OR9Q1: variants seen among roughly 807,000 people sequenced by gnomAD.
OR9Q1 encodes the protein olfactory receptor family 9 subfamily Q member 1.
For missense variants in OR9Q1, 374 were observed against 378.8 expected, an observed-to-expected ratio of 0.99 and a Z score of 0.11; for synonymous variants, 153 against 148.6, an observed-to-expected ratio of 1.03 and a Z score of -0.22.
At chr11:58,046,911 C>T (rs1853222488) in intron 1 of OR9Q1, among the ~76,000 whole-genome samples, 2 of 151,934 alleles carry the variant, frequency 1.3e-5, no homozygotes, top group South Asian at 4.2e-4. Context: ...ACCTTAGATA[C>T]TTAGGGGTCT....
intron 2 of OR9Q1, among the ~76,000 whole-genome samples, chr11:58,089,834 A>G (rs1193633618): frequency 6.6e-6 from 1 of 151,886 alleles, no homozygotes; most frequent in African/African-American, 2.4e-5. Flanking sequence ...TTCCTTGAGC[A>G]GTGGTTTGTA....
intron 2 of OR9Q1, among the ~76,000 whole-genome samples, chr11:58,174,330 G>T (rs534377319): frequency 4.6e-5 from 7 of 152,080 alleles, no homozygotes; most frequent in Non-Finnish European, 1.0e-4. Flanking sequence ...TGTGAATCAA[G>T]CTGCAGCTTG....
At chr11:58,081,811 T>TA in intron 2 of OR9Q1, among the ~76,000 whole-genome samples, 1 of 135,254 alleles carries the variant, frequency 7.4e-6, no homozygotes, top group East Asian at 2.5e-4. Context: ...TTTTTTTTTT[T>TA]ACTTTTGTTG....
intron 2 of OR9Q1, among the ~76,000 whole-genome samples, chr11:58,156,922 G>T (rs1854413574): frequency 1.3e-5 from 2 of 152,122 alleles, no homozygotes; most frequent in African/African-American, 2.4e-5. Flanking sequence ...AAAGGGTGTG[G>T]ATGATGGAGA....
chr11:58,164,142 G>C (rs998376194), intron 2 of OR9Q1, among the ~76,000 whole-genome samples: 1 of 152,096 alleles, frequency 6.6e-6, no homozygotes, highest in Non-Finnish European at 1.5e-5. Flanking sequence ...ACCTTGTCTC[G>C]GCTTGCAGGG....
chr11:58,161,031 A>G (rs1027759901), intron 2 of OR9Q1, among the ~76,000 whole-genome samples: 3 of 149,972 alleles, frequency 2.0e-5, no homozygotes, highest in Non-Finnish European at 3.0e-5. Flanking sequence ...CCTGGCCAGA[A>G]CTTCCAACTC....
intron 2 of OR9Q1, among the ~76,000 whole-genome samples, chr11:58,061,956 C>G (rs1394143937): frequency 6.6e-6 from 1 of 152,144 alleles, no homozygotes; most frequent in Non-Finnish European, 1.5e-5. Context: ...TTGCCAATCT[C>G]AAAGATCTCC....
intron 2 of OR9Q1, among the ~76,000 whole-genome samples, chr11:58,079,238 T>C (rs4939179): frequency 0.13 from 19,676 of 151,778 alleles, 1,519 homozygotes; most frequent in South Asian, 0.2. Flanking sequence ...GTACTCTGAG[T>C]TCTGAGTCTT....
intron 2 of OR9Q1, among the ~76,000 whole-genome samples, chr11:58,087,467 A>G (rs928536498): frequency 6.6e-6 from 1 of 151,972 alleles, no homozygotes. Context: ...ATATTTTAAA[A>G]TGGAAGCACT....
At chr11:58,096,768 A>G (rs1233591728) in intron 2 of OR9Q1, among the ~76,000 whole-genome samples, 1 of 149,928 alleles carries the variant, frequency 6.7e-6, no homozygotes. Flanking sequence ...CAGTGGCGCA[A>G]TCTCGGCTCA....
chr11:58,055,005 T>C (rs771499204), intron 1 of OR9Q1, among the ~76,000 whole-genome samples: 1 of 152,138 alleles, frequency 6.6e-6, no homozygotes, highest in African/African-American at 2.4e-5. Flanking sequence ...GCTATGAAAA[T>C]TCATAAGAAC....
At position 58,035,067 on chromosome 11, in the gene OR9Q1, C is replaced by T. The variant is rs183082570; in HGVS notation, c.-93+10963C>T. ...CTGATCTCAAACTCCTGGGCTCAAG[C>T]GATCTGCCACCTTGGCCTCCCAAAG... On this transcript the variant is annotated intron_variant, in intron 1 of 2. Transcript: ENST00000335397. 1.5e-3 allele frequency among the ~76,000 whole-genome samples: 230 copies of T among 151,988 alleles called. 2 individuals carry two copies. The highest frequency in any genetic ancestry group is 5.3e-3 in the African/African-American group (220 of 41,462).
intron 2 of OR9Q1, among the ~76,000 whole-genome samples, chr11:58,151,631 A>G (rs943284003): frequency 2.6e-5 from 4 of 152,200 alleles, no homozygotes; most frequent in Non-Finnish European, 1.5e-5. Flanking sequence ...AATGTGAACT[A>G]AAAATGCTGG....
chr11:58,042,170 T>C (rs1296187630), intron 1 of OR9Q1, among the ~76,000 whole-genome samples: 1 of 151,476 alleles, frequency 6.6e-6, no homozygotes, highest in African/African-American at 2.4e-5. Context: ...CATAGTGATT[T>C]TAAGGATGTA....
chr11:58,045,883 T>C (rs1324680522), intron 1 of OR9Q1, among the ~76,000 whole-genome samples: 1 of 152,196 alleles, frequency 6.6e-6, no homozygotes, highest in Non-Finnish European at 1.5e-5. Flanking sequence ...TTCTTTGTTA[T>C]GGAGAACTGT....
intron 2 of OR9Q1, among the ~76,000 whole-genome samples, chr11:58,100,684 CA>C (rs1448952285): frequency 6.6e-6 from 1 of 151,314 alleles, no homozygotes; most frequent in Non-Finnish European, 1.5e-5. Flanking sequence ...CTATTTCTTT[CA>C]GCTTCAATTT....
At chr11:58,159,448 A>G (rs1191133454) in intron 2 of OR9Q1, among the ~76,000 whole-genome samples, 1 of 140,878 alleles carries the variant, frequency 7.1e-6, no homozygotes, top group Non-Finnish European at 1.6e-5. Flanking sequence ...ACAGAATTAC[A>G]GAAGTTAAAA....
At chr11:58,067,071 G>A (rs1279321674) in intron 2 of OR9Q1, among the ~76,000 whole-genome samples, 9 of 149,422 alleles carry the variant, frequency 6.0e-5, no homozygotes, top group Non-Finnish European at 1.2e-4. Flanking sequence ...TCGTTCTGTC[G>A]CCCAGGCTGG....
At chr11:58,088,640 A>G (rs1442602803) in intron 2 of OR9Q1, among the ~76,000 whole-genome samples, 1 of 151,696 alleles carries the variant, frequency 6.6e-6, no homozygotes, top group Non-Finnish European at 1.5e-5. Context: ...GTGTCTGTTC[A>G]TATCCTTCAC....
Sources: allele counts gnomAD v4.1 joint callset (sites outside exome capture counted in the v4.1 genomes callset), GRCh38; gene constraint gnomAD v4.1.1; transcripts MANE v1.5; gene names NCBI Gene and HGNC (gene_info 2026-07-23, HGNC 2026-07-21).